The following PTPRE variants were observed in gnomAD, a reference collection of about 807,000 sequenced individuals.
PTPRE encodes the protein protein tyrosine phosphatase receptor type E.
PTPRE carries 51 observed loss-of-function variants against 102.0 expected under a neutral mutation model. The observed-to-expected ratio is 0.50, with a 90% CI of 0.40 to 0.63. PTPRE has a LOEUF of 0.63. PTPRE is among the 30% of genes least tolerant of loss of function. PTPRE has a pLI of 0.00. For missense variants in PTPRE, 752 were observed against 915.1 expected, an observed-to-expected ratio of 0.82 and a Z score of 2.30; for synonymous variants, 345 against 348.2, an observed-to-expected ratio of 0.99 and a Z score of 0.10.
chr10:128,075,669 A>G (rs1851160311), intron 17 of PTPRE, among the ~76,000 whole-genome samples: 1 of 152,252 alleles, frequency 6.6e-6, no homozygotes, highest in African/African-American at 2.4e-5. Flanking sequence ...TCATTCATCT[A>G]CATACCTAGT....
intron 15 of PTPRE, chr10:128,071,864 GC>G (rs1850798076): frequency 3.1e-6 from 1 of 325,494 alleles, no homozygotes; most frequent in Admixed American, 4.9e-5. Context: ...CTCCTTCAGC[GC>G]AATATTTTTA....
At chr10:128,054,999 G>A (rs1194788512) in intron 6 of PTPRE, among the ~76,000 whole-genome samples, 3 of 152,052 alleles carry the variant, frequency 2.0e-5, no homozygotes, top group East Asian at 2.0e-4. Context: ...ATAACACCTC[G>A]CTTTGGCTTT....
intron 7 of PTPRE, among the ~76,000 whole-genome samples, chr10:128,059,756 C>G (rs1037139158): frequency 2.6e-5 from 4 of 152,198 alleles, no homozygotes; most frequent in Non-Finnish European, 5.9e-5. Context: ...GTCTTCATTT[C>G]TCTTCAAATC....
intron 1 of PTPRE, among the ~76,000 whole-genome samples, chr10:127,967,254 A>G (rs1309309295): frequency 2.0e-5 from 3 of 152,216 alleles, no homozygotes; most frequent in Non-Finnish European, 2.9e-5. Context: ...CTACTCCAAA[A>G]TAGTAGCTCA....
At chr10:127,988,871 A>G (rs1432326073) in intron 2 of PTPRE, among the ~76,000 whole-genome samples, 2 of 152,198 alleles carry the variant, frequency 1.3e-5, no homozygotes, top group Non-Finnish European at 2.9e-5. Context: ...GAGTTTGGTA[A>G]AAATTATTTA....
At chr10:127,982,672 C>T (rs1480181762) in intron 2 of PTPRE, among the ~76,000 whole-genome samples, 4 of 152,210 alleles carry the variant, frequency 2.6e-5, no homozygotes, top group South Asian at 2.1e-4. Flanking sequence ...CGTTCAGGAG[C>T]GCAGGGGCAC....
rs189471034 is a variant in PTPRE, at chr10:128,077,089, T to A, written c.1725+361T>A. ...TCCACTGGGTCCTTGGTTCTGCTCA[T>A]CCTCTCTCCTTGGCAAAGAATGAGA... On this transcript the variant is annotated intron_variant, in intron 18 of 20. Coordinates refer to ENST00000254667, the MANE Select transcript of PTPRE (RefSeq NM_006504.6). Among the ~76,000 whole-genome samples the A allele has an allele frequency of 9.2e-5, 14 of 152,282 alleles. No homozygotes were observed. The East Asian group carries it at 2.5e-3, about 27-fold the overall frequency.
intron 1 of PTPRE, among the ~76,000 whole-genome samples, chr10:127,964,562 A>ATTT (rs11317491): frequency 2.1e-5 from 3 of 145,042 alleles, no homozygotes; most frequent in African/African-American, 7.6e-5. Context: ...TCTTAGTTCC[A>ATTT]TTTTTTTTTT....
chr10:128,060,056 T>C lies in PTPRE; in HGVS notation c.512-883T>C, dbSNP rs111238785. ...ACATATCACACACATACCACACACATACACACCACACACATACCACACACT... is the reference window on the plus strand; with the variant it reads ...ACATATCACACACATACCACACACACACACACCACACACATACCACACACT... On this transcript the variant is annotated intron_variant, in intron 7 of 20. Transcript: ENST00000254667. Among the ~76,000 whole-genome samples the C allele has an allele frequency of 4.1e-3, 514 of 125,318 alleles. 4 individuals are homozygous for C. The highest frequency in any genetic ancestry group is 0.016 in the African/African-American group (501 of 32,032). 82.2% of individuals were successfully genotyped at this position (125,318 alleles called of 152,430 possible).
At chr10:127,991,151 A>G (rs964731126) in intron 2 of PTPRE, among the ~76,000 whole-genome samples, 1 of 152,198 alleles carries the variant, frequency 6.6e-6, no homozygotes, top group Non-Finnish European at 1.5e-5. Context: ...GACACACTGG[A>G]AAGTGGATGT....
intron 1 of PTPRE, among the ~76,000 whole-genome samples, chr10:127,948,545 A>G (rs1380658277): frequency 6.6e-6 from 1 of 152,168 alleles, no homozygotes; most frequent in Middle Eastern, 3.4e-3. Flanking sequence ...GCAACCACTG[A>G]TTTTTTTACT....
intron 1 of PTPRE, among the ~76,000 whole-genome samples, chr10:127,915,588 C>T (rs1846148676): frequency 6.6e-6 from 1 of 152,126 alleles, no homozygotes; most frequent in Non-Finnish European, 1.5e-5. Context: ...TGCGCAAAGT[C>T]CAGATTTGGA....
At chr10:128,047,713 C>A (rs1411401847) in intron 4 of PTPRE, 51 bp from the exon 5 acceptor site, 1 of 1,614,106 alleles carries the variant, frequency 6.2e-7, no homozygotes, top group African/African-American at 1.3e-5. Flanking sequence ...GCGCTGTTGG[C>A]TCTCGGGGAA....
At chr10:127,952,933 G>A (rs1849141435) in intron 1 of PTPRE, among the ~76,000 whole-genome samples, 1 of 152,138 alleles carries the variant, frequency 6.6e-6, no homozygotes, top group African/African-American at 2.4e-5. Flanking sequence ...GCAAAATTTA[G>A]GTGCCTCCTA....
In PTPRE at chr10:128,008,186, C is replaced by T. The variant is rs1163453998; in HGVS notation, c.-8+25890C>T. Reference sequence around the variant, plus strand: ...TGCCCAAGGGAAACAGTGCATCCACCATCTCTGTCTGCAGCCCCGCTGGCT... The same window carrying T: ...TGCCCAAGGGAAACAGTGCATCCACTATCTCTGTCTGCAGCCCCGCTGGCT... On this transcript the variant is annotated intron_variant, in intron 2 of 20. Transcript: ENST00000254667. The surrounding 1 kb of genome is among the most constrained non-coding windows in gnomAD (Gnocchi z 4.0). Among the ~76,000 whole-genome samples, 1 of 152,180 alleles carries T rather than the reference C, an allele frequency of 6.6e-6. No individual in the cohort carries two copies. Among genetic ancestry groups the T allele is most frequent in the Non-Finnish European group, 1.5e-5 (1 of 68,028 alleles).
intron 1 of PTPRE, among the ~76,000 whole-genome samples, chr10:127,916,015 C>T (rs1589722517): frequency 2.0e-5 from 3 of 148,944 alleles, no homozygotes; most frequent in South Asian, 2.1e-4. Context: ...AAAAAAGGCA[C>T]GATGGCTTGT....
At chr10:127,995,118 G>A (rs954874677) in intron 2 of PTPRE, among the ~76,000 whole-genome samples, 4 of 152,148 alleles carry the variant, frequency 2.6e-5, no homozygotes, top group African/African-American at 9.7e-5. Flanking sequence ...TCAGGGCAGA[G>A]AGTCAGCAGC....
chr10:127,960,367 G>A (rs979691562), intron 1 of PTPRE, among the ~76,000 whole-genome samples: 1 of 152,216 alleles, frequency 6.6e-6, no homozygotes, highest in Non-Finnish European at 1.5e-5. Context: ...CCCCTCTATC[G>A]TTAATAGCAA....
intron 2 of PTPRE, among the ~76,000 whole-genome samples, chr10:128,036,870 G>A (rs574611483): frequency 1.3e-5 from 2 of 152,282 alleles, no homozygotes; most frequent in South Asian, 2.1e-4. Context: ...CTGAGACTCT[G>A]CATTCCTCAC....
Sources: gnomAD v4.1 joint callset for allele counts (sites outside exome capture counted in the v4.1 genomes callset) on GRCh38, gnomAD v4.1.1 for gene constraint, Gnocchi (gnomAD v3.1) non-coding constraint, MANE v1.5 for transcripts, NCBI Gene and HGNC (gene_info 2026-07-23, HGNC 2026-07-21) for gene names.